Variants in OR8B8 observed in about 807,000 individuals in gnomAD.
The protein encoded by OR8B8 is olfactory receptor 8B8.
A neutral mutation model predicts 10.5 loss-of-function variants in OR8B8; 8 were observed. The observed-to-expected ratio is 0.76, with a 90% CI of 0.45 to 1.38. The LOEUF is 1.38. Ranked by LOEUF, OR8B8 falls within the 40% of genes most tolerant of loss-of-function variation. The pLI is 0.00. For synonymous variants in OR8B8, 150 were observed against 145.2 expected (o/e 1.03, Z -0.24); for missense variants, 390 against 380.5 (o/e 1.03, Z -0.21).
rs1861432870 is a variant in OR8B8, at chr11:124,438,936, G to T, written c.*1214C>A. ...ATTTCCTCTGCTGATGTTGCCATTGGTCTAACCCAACTGAAACCAGAGGGC... is the reference window on the plus strand; with the variant it reads ...ATTTCCTCTGCTGATGTTGCCATTGTTCTAACCCAACTGAAACCAGAGGGC... On this transcript the variant is annotated 3_prime_UTR_variant, in exon 3 of 3. Coordinates refer to ENST00000642064, the MANE Select transcript of OR8B8 (RefSeq NM_012378.2). The T allele has an allele frequency of 1.3e-5, 2 of 152,258 alleles. No individual in the cohort carries two copies. The highest frequency in any genetic ancestry group is 6.5e-5 in the Admixed American group (1 of 15,288). The allele number at this position is 152,258 out of a possible 1,614,324, so 9.4% of individuals were successfully genotyped here. A position where few individuals can be genotyped will look rare whatever the true frequency, so the allele number is the denominator to read the frequency against.
In OR8B8 at chr11:124,440,385, C is replaced by T. The variant is rs1251106763; in HGVS notation, c.701G>A (p.Arg234Lys). The T allele has an allele frequency of 3.1e-6, 5 of 1,614,052 alleles. No individual in the cohort carries two copies. The South Asian group carries it at 5.5e-5, about 18-fold the overall frequency. ...SIFHIDSTEG[R>K]SKAFSTCSSH... Reference sequence around the variant, plus strand: ...GCTGCAGGTGCTGAAGGCTTTGGACCTGCCCTCCGTGGAATCAATGTGGAA... The same window carrying T: ...GCTGCAGGTGCTGAAGGCTTTGGACTTGCCCTCCGTGGAATCAATGTGGAA... Residue 234 changes from arginine to lysine, a missense_variant, in exon 3 of 3, where the codon AGG becomes AAG. By Grantham distance (26) the Arg-to-Lys change is conservative (BLOSUM62 2). Transcript: ENST00000642064.
chr11:124,438,083 A>C lies in OR8B8; in HGVS notation c.*2067T>G, dbSNP rs1366782536. ...CAAATTTACCGAGAATCTGGCATCT[A>C]ATTCACTTAATACCTCTGAGAAAAA... On this transcript the variant is annotated 3_prime_UTR_variant, in exon 3 of 3. Coordinates refer to ENST00000642064, the MANE Select transcript of OR8B8 (RefSeq NM_012378.2). 1 of 152,194 alleles carries C rather than the reference A, an allele frequency of 6.6e-6. No homozygotes were observed. Among genetic ancestry groups the C allele is most frequent in the African/African-American group, 2.4e-5 (1 of 41,446 alleles). 9.4% of individuals were successfully genotyped at this position (152,194 alleles called of 1,614,324 possible).
In OR8B8 at chr11:124,445,369, A is replaced by G. The variant is rs137992819; in HGVS notation, c.-153+207T>C. Among the ~76,000 whole-genome samples, 182 of 152,332 alleles carry G rather than the reference A, an allele frequency of 1.2e-3. 1 individual carries two copies. Among genetic ancestry groups the G allele is most frequent in the African/African-American group, 4.2e-3 (174 of 41,588 alleles). Reference sequence around the variant, plus strand: ...GATCTCTAGTTATGAAATTTCAAACAGCACTCAGTTAATGAGAGGTACATT... The same window carrying G: ...GATCTCTAGTTATGAAATTTCAAACGGCACTCAGTTAATGAGAGGTACATT... On this transcript the variant is annotated intron_variant, in intron 1 of 2. Transcript: ENST00000642064.
At position 124,440,764 on chromosome 11, in the gene OR8B8, C is replaced by A. The variant is rs1159920631; in HGVS notation, c.322G>T (p.Val108Phe). The A allele has an allele frequency of 6.2e-7, 1 of 1,614,080 alleles. No individual in the cohort carries two copies. The highest frequency in any genetic ancestry group is 2.2e-5 in the East Asian group (1 of 44,864). ...MTQLFFFLFF[V>F]VSESFILSAM... is the part of the protein sequence containing the mutation. ...GACAGGATGAAGGACTCAGAGACAA[C>A]AAAGAAAAGAAAGAAGAAGAGCTGA... Residue 108 changes from valine (V) to phenylalanine (F), a missense_variant, in exon 3 of 3, where the codon GTT (valine) becomes TTT (phenylalanine). Coordinates refer to ENST00000642064, the MANE Select transcript of OR8B8 (RefSeq NM_012378.2).
At position 124,440,984 on chromosome 11, in the gene OR8B8, G is replaced by A. The variant is rs755099433; in HGVS notation, c.102C>T (p.Phe34=). 6.2e-7 allele frequency: 1 copy of A among 1,614,070 alleles called. No individual in the cohort carries two copies. Among genetic ancestry groups the A allele is most frequent in the Non-Finnish European group, 8.5e-7 (1 of 1,180,038 alleles). Residue 34 remains phenylalanine, a synonymous_variant, in exon 3 of 3, where the codon TTC becomes TTT. Coordinates refer to ENST00000642064, the MANE Select transcript of OR8B8 (RefSeq NM_012378.2). The stretch of plus-strand genomic sequence containing the variant: ...GGTTCCCCACCACAGTGACCACGTA[G>A]AAGCCTAGAAACAGGAAGAAGAGGG... ...QIPLFFLFLG[F]YVVTVVGNLG...
intron 1 of OR8B8, among the ~76,000 whole-genome samples, chr11:124,441,870 G>C (rs1861479281): frequency 6.6e-6 from 1 of 152,188 alleles, no homozygotes; most frequent in Non-Finnish European, 1.5e-5. Flanking sequence ...ATTAGAAGTA[G>C]AGCAGCAGAA....
rs940374171 is a variant in OR8B8 at position 124,441,227 on chromosome 11, C to T, written c.-16-126G>A. On this transcript the variant is annotated intron_variant, in intron 2 of 2. Coordinates refer to ENST00000642064, the MANE Select transcript of OR8B8 (RefSeq NM_012378.2). ...AGATTTTGAACTTCAGCAGAGGGGG[C>T]TTTGCTGCGGCTCCCTCTGGAGCAA... is the stretch of plus-strand genomic sequence containing the variant. 3 of 670,550 alleles carry T rather than the reference C, an allele frequency of 4.5e-6. No individual in the cohort carries two copies. The African/African-American group carries it at 5.5e-5, about 12-fold the overall frequency. The allele number at this position is 670,550 out of a possible 1,614,324, so 41.5% of individuals were successfully genotyped here.
rs555625678 is a variant in OR8B8 at position 124,437,678 on chromosome 11, G to A, written c.*2472C>T. ...TGTGTGTGTGTGTGTGCGCGCGCGC[G>A]TGCGTGCGTGCTGGGATTACAGGCG... On this transcript the variant is annotated 3_prime_UTR_variant, in exon 3 of 3. Coordinates refer to ENST00000642064, the MANE Select transcript of OR8B8 (RefSeq NM_012378.2). The A allele has an allele frequency of 0.025, 3,856 of 152,888 alleles. 170 individuals carry two copies. Among genetic ancestry groups the A allele is most frequent in the African/African-American group, 0.089 (3,575 of 40,394 alleles). 9.5% of individuals were successfully genotyped at this position (152,888 alleles called of 1,614,324 possible).
Position 124,440,507 on chromosome 11 carries a change from A to G in OR8B8, c.579T>C (p.Tyr193=), listed in dbSNP as rs1339861249. The G allele has an allele frequency of 1.2e-6, 2 of 1,614,240 alleles. No homozygotes were observed. Among genetic ancestry groups the G allele is most frequent in the Non-Finnish European group, 1.7e-6 (2 of 1,180,036 alleles). ...PLLECACTST[Y]VNELVVFVVV... ...CAACAAACACTACAAGCTCATTCAC[A>G]TAGGTGCTGGTGCAAGCACACTCAA... Residue 193 remains tyrosine (Y), a synonymous_variant, in exon 3 of 3, where the codon TAT becomes TAC. Coordinates refer to ENST00000642064, the MANE Select transcript of OR8B8 (RefSeq NM_012378.2).
At chr11:124,442,753 CCT>C (rs1257990737) in intron 1 of OR8B8, among the ~76,000 whole-genome samples, 4 of 152,146 alleles carry the variant, frequency 2.6e-5, no homozygotes, top group East Asian at 1.9e-4. Context: ...TCATAACTCC[CCT>C]CTCTCGTGAC....
chr11:124,442,267 A>C (rs1861482245), intron 1 of OR8B8, among the ~76,000 whole-genome samples: 1 of 152,190 alleles, frequency 6.6e-6, no homozygotes, highest in South Asian at 2.1e-4. Flanking sequence ...TGTTCTTAAT[A>C]ACTGAGTTTA....
intron 1 of OR8B8, among the ~76,000 whole-genome samples, chr11:124,443,305 T>C (rs973788357): frequency 6.6e-6 from 1 of 152,184 alleles, no homozygotes; most frequent in Non-Finnish European, 1.5e-5. Context: ...CCCAGGTTCC[T>C]GCTGTGGAGA....
In OR8B8 at chr11:124,437,667, TG is replaced by T. The variant is rs1861418913; in HGVS notation, c.*2482del. On this transcript the variant is annotated 3_prime_UTR_variant, in exon 3 of 3. Transcript: ENST00000642064. ...GTGTGTGTGTGTGTGTGTGTGTGTG[TG>T]CGCGCGCGCGTGCGTGCGTGCTGGG... The T allele has an allele frequency of 3.6e-5, 4 of 110,516 alleles. No homozygotes were observed. Among genetic ancestry groups the T allele is most frequent in the Non-Finnish European group, 7.1e-5 (4 of 56,026 alleles). The allele number at this position is 110,516 out of a possible 1,614,324, so 6.8% of individuals were successfully genotyped here.
In OR8B8 at chr11:124,438,192, A is replaced by G. The variant is rs1404763304; in HGVS notation, c.*1958T>C. 6.6e-6 allele frequency: 1 copy of G among 152,194 alleles called. No individual in the cohort carries two copies. Among genetic ancestry groups the G allele is most frequent in the Non-Finnish European group, 1.5e-5 (1 of 68,032 alleles). The allele number at this position is 152,194 out of a possible 1,614,324, so 9.4% of individuals were successfully genotyped here. A position where few individuals can be genotyped will look rare whatever the true frequency, so the allele number is the denominator to read the frequency against. ...CAGCTGAGGAGAAGCTCAGGTTCAAATTTGATTCTACCATCCAACTCTCTG... is the reference window on the plus strand; with the variant it reads ...CAGCTGAGGAGAAGCTCAGGTTCAAGTTTGATTCTACCATCCAACTCTCTG... On this transcript the variant is annotated 3_prime_UTR_variant, in exon 3 of 3. Transcript: ENST00000642064.
At position 124,440,358 on chromosome 11, in the gene OR8B8, G is replaced by C; in HGVS notation, c.728C>G (p.Ser243Cys). 1 of 1,614,214 alleles carries C rather than the reference G, an allele frequency of 6.2e-7. No individual in the cohort carries two copies. The change falls in exon 3 of 3, where the codon TCC becomes TGC. Residue 243 changes from serine (S) to cysteine (C), a missense_variant. Coordinates refer to ENST00000642064, the MANE Select transcript of OR8B8 (RefSeq NM_012378.2). ...GAACAGAGAAACTGCAATTATGTGG[G>C]AGCTGCAGGTGCTGAAGGCTTTGGA... ...GRSKAFSTCS[S>C]HIIAVSLFFG...
rs1314261996 is a variant in OR8B8, at chr11:124,438,049, G to C, written c.*2101C>G. On this transcript the variant is annotated 3_prime_UTR_variant, in exon 3 of 3. Coordinates refer to ENST00000642064, the MANE Select transcript of OR8B8 (RefSeq NM_012378.2). ...TATTAAAAGGAAAAGGATCTGGCAG[G>C]GACAGAAACAAATTTACCGAGAATC... 6.6e-6 allele frequency: 1 copy of C among 151,850 alleles called. No individual in the cohort carries two copies. Among genetic ancestry groups the C allele is most frequent in the Non-Finnish European group, 1.5e-5 (1 of 67,936 alleles). 9.4% of individuals were successfully genotyped at this position (151,850 alleles called of 1,614,324 possible).
At chr11:124,444,999 CCT>C (rs553124686) in intron 1 of OR8B8, among the ~76,000 whole-genome samples, 9 of 150,012 alleles carry the variant, frequency 6.0e-5, no homozygotes, top group African/African-American at 2.3e-4. Flanking sequence ...TTACCCTGTC[CCT>C]ACTTCCTGTC....
In OR8B8 at chr11:124,440,357, G is replaced by A; in HGVS notation, c.729C>T (p.Ser243=). ...AGAACAGAGAAACTGCAATTATGTG[G>A]GAGCTGCAGGTGCTGAAGGCTTTGG... ...GRSKAFSTCS[S]HIIAVSLFFG... is the part of the protein sequence containing the mutation. The change falls in exon 3 of 3, where the codon TCC becomes TCT. Residue 243 remains serine, a synonymous_variant. Transcript: ENST00000642064. The A allele has an allele frequency of 6.2e-7, 1 of 1,614,174 alleles. No homozygotes were observed. Among genetic ancestry groups the A allele is most frequent in the Non-Finnish European group, 8.5e-7 (1 of 1,180,022 alleles).
Position 124,440,508 on chromosome 11 carries a change from T to C in OR8B8, c.578A>G (p.Tyr193Cys), listed in dbSNP as rs137889537. The change falls in exon 3 of 3, where the codon TAT becomes TGT. Residue 193 changes from tyrosine to cysteine, a missense_variant. Physicochemically the swap from Tyr to Cys is radical, Grantham distance 194. Transcript: ENST00000642064. Reference protein sequence around the residue: ...PLLECACTSTYVNELVVFVVV... With the variant: ...PLLECACTSTCVNELVVFVVV... ...AACAAACACTACAAGCTCATTCACA[T>C]AGGTGCTGGTGCAAGCACACTCAAG... 5.6e-6 allele frequency: 9 copies of C among 1,614,142 alleles called. No homozygotes were observed. The highest frequency in any genetic ancestry group is 5.0e-5 in the Admixed American group (3 of 60,014).
Sources: gnomAD v4.1 joint callset for allele counts (sites outside exome capture counted in the v4.1 genomes callset) on GRCh38, gnomAD v4.1.1 for gene constraint, MANE v1.5 for transcripts, NCBI Gene and HGNC (gene_info 2026-07-23, HGNC 2026-07-21) for gene names.